The following MMP16 variants were observed in gnomAD, a reference collection of about 807,000 sequenced individuals.
MMP16 encodes matrix metalloproteinase-16.
Under a neutral mutation model 67.8 loss-of-function variants are expected in MMP16, and 12 were observed. The ratio of observed to expected loss-of-function variants is 0.18; its 90% CI spans 0.11 to 0.29. The LOEUF is 0.29. Ranked by LOEUF, MMP16 falls within the 10% of genes least tolerant of loss-of-function variation. MMP16 has a pLI of 1.00. For synonymous variants in MMP16, 249 were observed against 255.9 expected, an observed-to-expected ratio of 0.97 and a Z score of 0.26; for missense variants, 475 against 765.7, an observed-to-expected ratio of 0.62 and a Z score of 4.48.
intron 1 of MMP16, 102 bp downstream of exon 1, chr8:88,326,973 G>C (rs1276815201): frequency 1.3e-6 from 2 of 1,484,420 alleles, no homozygotes; most frequent in African/African-American, 1.4e-5. Context: ...CAACGTGCTG[G>C]GACCCAGGCT....
intron 6 of MMP16, among the ~76,000 whole-genome samples, chr8:88,079,471 G>A (rs1446287269): frequency 6.6e-6 from 1 of 152,086 alleles, no homozygotes; most frequent in Non-Finnish European, 1.5e-5. Flanking sequence ...TGCAGTTTGA[G>A]GCATCCACTG....
In MMP16 at chr8:88,151,649, T is replaced by C. The variant is rs1481237806; in HGVS notation, c.709+16020A>G. Among the ~76,000 whole-genome samples, 6 of 147,080 alleles carry C rather than the reference T, an allele frequency of 4.1e-5. No homozygotes were observed. In the East Asian group the frequency reaches 1.2e-3, roughly 30 times the overall value. On this transcript the variant is annotated intron_variant, in intron 4 of 9. Coordinates refer to ENST00000286614, the MANE Select transcript of MMP16 (RefSeq NM_005941.5). ...AACGAAATGAAGGCAGAAATAAAGA[T>C]GTTCTTTGAAACCAACGAGAACAAA...
chr8:88,290,629 G>A (rs1810912523), intron 1 of MMP16, among the ~76,000 whole-genome samples: 1 of 152,112 alleles, frequency 6.6e-6, no homozygotes, highest in Non-Finnish European at 1.5e-5. Context: ...CTAAGCTGGA[G>A]TGCAGTGATG....
rs190568304 is a variant in MMP16, at chr8:88,274,098, A to G, written c.132+52977T>C. On this transcript the variant is annotated intron_variant, in intron 1 of 9. Transcript: ENST00000286614. ...GATACTAAGAAAGCAAACGTACCAT[A>G]GAAGGAGTAGACTATTCAGCAGAGT... Among the ~76,000 whole-genome samples the G allele has an allele frequency of 2.6e-3, 397 of 152,304 alleles. 4 individuals are homozygous for G. The Middle Eastern group carries it at 0.031, about 12-fold the overall frequency.
intron 4 of MMP16, among the ~76,000 whole-genome samples, chr8:88,147,363 T>C (rs989159040): frequency 6.6e-6 from 1 of 152,114 alleles, no homozygotes; most frequent in Non-Finnish European, 1.5e-5. Context: ...CATGCTATTA[T>C]TATCCAATAA....
chr8:88,177,783 C>T (rs1358287204), intron 3 of MMP16, among the ~76,000 whole-genome samples: 4 of 152,128 alleles, frequency 2.6e-5, no homozygotes, highest in Non-Finnish European at 5.9e-5. Context: ...GCCTAATAGA[C>T]TTGTCAGAAG....
At position 88,041,984 on chromosome 8, in the gene MMP16, G is replaced by T. The variant is rs1335951439; in HGVS notation, c.1490-189C>A. ...GCTGTGGCTGCTGTGCTCCAGGAAT[G>T]ATGCCATCTAATGCCTATGGAAAGC... On this transcript the variant is annotated intron_variant, in intron 9 of 9. Coordinates refer to ENST00000286614, the MANE Select transcript of MMP16 (RefSeq NM_005941.5). This position sits in a 1 kb window ranked among gnomAD's most constrained non-coding sequence, Gnocchi z 6.0. Among the ~76,000 whole-genome samples the T allele has an allele frequency of 6.6e-6, 1 of 152,162 alleles. No individual in the cohort carries two copies. Among genetic ancestry groups the T allele is most frequent in the Non-Finnish European group, 1.5e-5 (1 of 68,038 alleles).
rs28907569 is a variant in MMP16 at position 88,198,077 on chromosome 8, T to C, written c.133-771A>G. The stretch of plus-strand genomic sequence containing the variant: ...TCTGGGAGGACAGAGAAAGAAATCA[T>C]AGTTGAATTCACATTCTAATTGTGA... On this transcript the variant is annotated intron_variant, in intron 1 of 9. Coordinates refer to ENST00000286614, the MANE Select transcript of MMP16 (RefSeq NM_005941.5). Among the ~76,000 whole-genome samples the C allele has an allele frequency of 5.5e-3, 844 of 152,298 alleles. 6 individuals are homozygous for C. Among genetic ancestry groups the C allele is most frequent in the Non-Finnish European group, 0.01 (688 of 68,004 alleles).
At chr8:88,272,369 C>T (rs79568596) in intron 1 of MMP16, among the ~76,000 whole-genome samples, 3,581 of 152,148 alleles carry the variant, frequency 0.024, 141 homozygotes, top group African/African-American at 0.082. Context: ...ATATATAAAG[C>T]TTAGTGCTTG....
intron 1 of MMP16, among the ~76,000 whole-genome samples, chr8:88,317,425 T>G (rs147222908): frequency 6.6e-6 from 1 of 152,148 alleles, no homozygotes; most frequent in Non-Finnish European, 1.5e-5. Context: ...CAATTAAGTA[T>G]TTTTAATTAA....
intron 3 of MMP16, among the ~76,000 whole-genome samples, chr8:88,168,485 T>C (rs1474773328): frequency 6.6e-6 from 1 of 152,212 alleles, no homozygotes; most frequent in Non-Finnish European, 1.5e-5. Flanking sequence ...CAATTTCTGA[T>C]GTTCTATTGT....
At chr8:88,319,815 C>T (rs375749057) in intron 1 of MMP16, among the ~76,000 whole-genome samples, 1 of 152,106 alleles carries the variant, frequency 6.6e-6, no homozygotes, top group Non-Finnish European at 1.5e-5. Flanking sequence ...TATAAGATTC[C>T]GTTTCAGTGA....
intron 4 of MMP16, among the ~76,000 whole-genome samples, chr8:88,164,545 C>T (rs1276538985): frequency 3.3e-5 from 5 of 152,012 alleles, no homozygotes; most frequent in Non-Finnish European, 7.4e-5. Flanking sequence ...TTCAATTAAG[C>T]AGTAAATCTT....
intron 1 of MMP16, among the ~76,000 whole-genome samples, chr8:88,215,088 G>A (rs1285132574): frequency 2.0e-5 from 3 of 152,168 alleles, no homozygotes; most frequent in Non-Finnish European, 4.4e-5. Context: ...CCAGCACTTT[G>A]GGAGGCCAAG....
chr8:88,170,360 A>G (rs898274257), intron 3 of MMP16, among the ~76,000 whole-genome samples: 1 of 152,230 alleles, frequency 6.6e-6, no homozygotes, highest in Non-Finnish European at 1.5e-5. Flanking sequence ...GATAGCACAG[A>G]CATTTGTCTA....
rs141910322 is a variant in MMP16, at chr8:88,276,442, C to A, written c.132+50633G>T. ...GCTTAAATAAGATATGAAAGTAATT[C>A]TCTGCTTCCTGCACTCAAATGCATT... On this transcript the variant is annotated intron_variant, in intron 1 of 9. Transcript: ENST00000286614. Among the ~76,000 whole-genome samples, 187 of 152,196 alleles carry A rather than the reference C, an allele frequency of 1.2e-3. 1 individual carries two copies. The highest frequency in any genetic ancestry group is 3.7e-3 in the African/African-American group (154 of 41,540).
intron 1 of MMP16, among the ~76,000 whole-genome samples, chr8:88,289,127 C>CAGAGACAGAGAGAGAGAG (rs1241463547): frequency 1.3e-5 from 2 of 151,378 alleles, no homozygotes; most frequent in Admixed American, 6.6e-5. Context: ...GAGACAGAGA[C>CAGAGACAGAGAGAGAGAG]AGAGACAGAG....
At chr8:88,277,543 T>TGCTGCCGGCAGCTGTAATGGTTA (rs1418102604) in intron 1 of MMP16, among the ~76,000 whole-genome samples, 262 of 152,322 alleles carry the variant, frequency 1.7e-3, no homozygotes, top group Non-Finnish European at 3.0e-3. Flanking sequence ...GCTGAAACTG[T>TGCTGCCGGCAGCTGTAATGGTTA]GCTGCCGGCA....
At chr8:88,087,976 T>A (rs540973195) in intron 6 of MMP16, among the ~76,000 whole-genome samples, 12 of 146,694 alleles carry the variant, frequency 8.2e-5, no homozygotes, top group Middle Eastern at 3.6e-3. Context: ...AAAATGTACA[T>A]ACATATATAT....
Sources: gnomAD v4.1 joint callset for allele counts (sites outside exome capture counted in the v4.1 genomes callset) on GRCh38, gnomAD v4.1.1 for gene constraint, Gnocchi (gnomAD v3.1) non-coding constraint, MANE v1.5 for transcripts, NCBI Gene and HGNC (gene_info 2026-07-23, HGNC 2026-07-21) for gene names.